EIF4A1: variants seen among roughly 807,000 people sequenced by gnomAD.
EIF4A1 encodes eukaryotic translation initiation factor 4A1.
Under a neutral mutation model 53.5 loss-of-function variants are expected in EIF4A1, and 11 were observed. That is an observed-to-expected ratio of 0.21 (90% CI 0.13 to 0.34). The LOEUF (loss-of-function observed/expected upper bound fraction) is 0.34, where lower values mean the gene tolerates loss of function less well. Ranked by LOEUF, EIF4A1 falls within the 10% of genes least tolerant of loss-of-function variation. EIF4A1 has a pLI of 1.00. For missense variants in EIF4A1, 213 were observed against 530.8 expected, an observed-to-expected ratio of 0.40 and a Z score of 5.88; for synonymous variants, 237 against 186.7, an observed-to-expected ratio of 1.27 and a Z score of -2.20.
Position 7,577,270 on chromosome 17 carries a change from T to G in EIF4A1, c.625-74T>G. 1 of 1,587,340 alleles carries G rather than the reference T, an allele frequency of 6.3e-7. No individual in the cohort carries two copies. Among genetic ancestry groups the G allele is most frequent in the East Asian group, 2.2e-5 (1 of 44,654 alleles). ...GCCTTTTTATGCATCTGCTTCAGTT[T>G]TAGGTGTGGCTAGGGAAGGGAGCAG... On this transcript the variant is annotated intron_variant, in intron 6 of 10. Coordinates refer to ENST00000293831, the MANE Select transcript of EIF4A1 (RefSeq NM_001416.4). This position sits in a 1 kb window ranked among gnomAD's most constrained non-coding sequence, Gnocchi z 4.7.
intron 1 of EIF4A1, chr17:7,573,871 A>C: frequency 1.6e-5 from 3 of 183,220 alleles, no homozygotes; most frequent in South Asian, 1.1e-4. Flanking sequence ...CCGATCTGGG[A>C]GGTGAAGGGC....
At position 7,574,942 on chromosome 17, in the gene EIF4A1, T is replaced by C. The variant is rs1053106910; in HGVS notation, c.206-177T>C. 5 of 1,042,808 alleles carry C rather than the reference T, an allele frequency of 4.8e-6. No homozygotes were observed. In the African/African-American group the frequency reaches 7.8e-5, roughly 16 times the overall value. The allele number at this position is 1,042,808 out of a possible 1,614,324, so 64.6% of individuals were successfully genotyped here. On this transcript the variant is annotated intron_variant, in intron 3 of 10. Coordinates refer to ENST00000293831, the MANE Select transcript of EIF4A1 (RefSeq NM_001416.4). ...TGGTGTGCAATACTAGATGAGTTAA[T>C]AACTGGTCCTTGTTTCTGATCTGGT...
At chr17:7,573,201 T>G in intron 1 of EIF4A1, 2 of 492,578 alleles carry the variant, frequency 4.1e-6, no homozygotes, top group Non-Finnish European at 3.7e-6. Context: ...CGCCACTATG[T>G]GTGGCCCAGA....
intron 1 of EIF4A1, 66 bp downstream of exon 1, chr17:7,572,930 GGGGGTAGCTGAGAGGCCCACCA>G: frequency 6.2e-7 from 1 of 1,613,848 alleles, no homozygotes; most frequent in Non-Finnish European, 8.5e-7. Flanking sequence ...CGGGCCCGCC[GGGGGTAGCTGAGAGGCCCACCA>G]GGGTTGCGGG....
At position 7,574,692 on chromosome 17, in the gene EIF4A1, G is replaced by C; in HGVS notation, c.205+14G>C. On this transcript the variant is annotated intron_variant, in intron 3 of 10. Transcript: ENST00000293831. The stretch of plus-strand genomic sequence containing the variant: ...CTTGTATCAAGGGTGAGACCTCTCA[G>C]TCCCAGAAGACATTGTGGACTGTCC... The C allele has an allele frequency of 6.2e-7, 1 of 1,612,262 alleles. No individual in the cohort carries two copies. Among genetic ancestry groups the C allele is most frequent in the South Asian group, 1.1e-5 (1 of 91,004 alleles).
At chr17:7,575,285 C>A (rs751149806) in intron 4 of EIF4A1, 27 bp downstream of exon 4, 1 of 1,613,212 alleles carries the variant, frequency 6.2e-7, no homozygotes, top group East Asian at 2.2e-5. Context: ...TTCCCTCCTT[C>A]AGGGCTGATT....
Position 7,577,466 on chromosome 17 carries a change from C to T in EIF4A1, c.747C>T (p.Phe249=), listed in dbSNP as rs921284645. The change falls in exon 7 of 11, where the codon TTC becomes TTT. Residue 249 remains phenylalanine (F), a synonymous_variant. Coordinates refer to ENST00000293831, the MANE Select transcript of EIF4A1 (RefSeq NM_001416.4). This position sits in a 1 kb window ranked among gnomAD's most constrained non-coding sequence, Gnocchi z 4.7. ...TGACCCTGGAGGGTATCCGCCAGTT[C>T]TACATCAACGTGGAACGAGAGGTGG... ...EELTLEGIRQ[F]YINVEREEWK... 7 of 1,614,022 alleles carry T rather than the reference C, an allele frequency of 4.3e-6. No individual in the cohort carries two copies. Among genetic ancestry groups the T allele is most frequent in the African/African-American group, 2.7e-5 (2 of 74,900 alleles).
chr17:7,577,715 G>T lies in EIF4A1; in HGVS notation c.906+9G>T. The T allele has an allele frequency of 1.2e-6, 2 of 1,613,606 alleles. No individual in the cohort carries two copies. The highest frequency in any genetic ancestry group is 8.5e-7 in the Non-Finnish European group (1 of 1,179,970). ...TCACTGTATCCGCCATGGTGTGTTT[G>T]CCCGCTGCCAGCCTGTTGTGGGTCT... On this transcript the variant is annotated intron_variant, in intron 8 of 10. Coordinates refer to ENST00000293831, the MANE Select transcript of EIF4A1 (RefSeq NM_001416.4). This position sits in a 1 kb window ranked among gnomAD's most constrained non-coding sequence, Gnocchi z 4.7.
Position 7,572,845 on chromosome 17 carries a change from T to G in EIF4A1, c.4T>G (p.Ser2Ala). Residue 2 changes from serine to alanine, a missense_variant, in exon 1 of 11, where the codon TCT (serine) becomes GCT (alanine). Ser to Ala is a moderately conservative substitution (Grantham distance 99). Around this residue, in one of 4 missense-constraint regions of EIF4A1, gnomAD observed 53 missense variants for 34.0 expected, o/e 1.56. Transcript: ENST00000293831. M[S>A]ASQDSRSRDN... ...TCCGCCCTAGTTTCTAAGGATCATG[T>G]CTGCGAGCCAGGATTCCCGGTAAGA... 6.2e-7 allele frequency: 1 copy of G among 1,614,160 alleles called. No homozygotes were observed. The highest frequency in any genetic ancestry group is 1.3e-5 in the African/African-American group (1 of 75,070).
chr17:7,574,244 T>A lies in EIF4A1; in HGVS notation c.24-16T>A, dbSNP rs182916229. The A allele has an allele frequency of 1.2e-6, 2 of 1,613,968 alleles. No individual in the cohort carries two copies. Among genetic ancestry groups the A allele is most frequent in the African/African-American group, 2.7e-5 (2 of 74,918 alleles). Reference sequence around the variant, plus strand: ...TCGGTCGGGCAGGGGACAAAACTTATGCTTTAAACCAACAGATCCAGAGAC... The same window carrying A: ...TCGGTCGGGCAGGGGACAAAACTTAAGCTTTAAACCAACAGATCCAGAGAC... On this transcript the variant is annotated splice_polypyrimidine_tract_variant and intron_variant, in intron 1 of 10. Coordinates refer to ENST00000293831, the MANE Select transcript of EIF4A1 (RefSeq NM_001416.4).
At chr17:7,576,904 C>T in intron 5 of EIF4A1, 152 bp from the exon 6 acceptor site, 2 of 1,330,706 alleles carry the variant, frequency 1.5e-6, no homozygotes, top group Middle Eastern at 3.6e-4. Flanking sequence ...CTGTTGTCTG[C>T]CTGGCGGGAA....
At chr17:7,576,486 G>A (rs1344534976) in intron 4 of EIF4A1, 38 bp from the exon 5 acceptor site, 2 of 1,523,392 alleles carry the variant, frequency 1.3e-6, no homozygotes, top group African/African-American at 1.4e-5. Flanking sequence ...CGGGCACAGT[G>A]GTAACTGACA....
In EIF4A1 at chr17:7,578,022, TC is replaced by T. The variant is rs760860405; in HGVS notation, c.996+107del. On this transcript the variant is annotated intron_variant, in intron 9 of 10. Transcript: ENST00000293831. Reference sequence around the variant, plus strand: ...AGGAAAGTAGCAGCTTGGAATAGAATCTGGCATGCCTAAGGCCTTTGGGGAA... The same window carrying T: ...AGGAAAGTAGCAGCTTGGAATAGAATTGGCATGCCTAAGGCCTTTGGGGAA... 7 of 1,573,494 alleles carry T rather than the reference TC, an allele frequency of 4.4e-6. No individual in the cohort carries two copies. The Admixed American group carries it at 1.2e-4, about 26-fold the overall frequency.
chr17:7,572,855 A>G lies in EIF4A1; in HGVS notation c.14A>G (p.Gln5Arg), dbSNP rs149681191. The G allele has an allele frequency of 2.6e-5, 42 of 1,614,048 alleles. 1 individual carries two copies. The highest frequency in any genetic ancestry group is 2.0e-4 in the East Asian group (9 of 44,896). Residue 5 changes from glutamine (Q) to arginine (R), a missense_variant, in exon 1 of 11, where the codon CAG becomes CGG. Physicochemically the swap from Gln to Arg is conservative, Grantham distance 43 (BLOSUM62 1). This residue lies in a region of EIF4A1 where 53 missense variants were observed against 34.0 expected (regional missense o/e 1.56). Coordinates refer to ENST00000293831, the MANE Select transcript of EIF4A1 (RefSeq NM_001416.4). MSASQDSRSRDNGPD... is the reference protein window; with the variant it reads MSASRDSRSRDNGPD... ...TTTCTAAGGATCATGTCTGCGAGCC[A>G]GGATTCCCGGTAAGAAAGGCATTTG...
rs1567735382 is a variant in EIF4A1 at position 7,577,678 on chromosome 17, A to G, written c.878A>G (p.His293Arg). The change falls in exon 8 of 11, where the codon CAT becomes CGT. Residue 293 changes from histidine (H) to arginine (R), a missense_variant. Around this residue, in one of 4 missense-constraint regions of EIF4A1, gnomAD observed 119 missense variants for 351.0 expected, o/e 0.34. Coordinates refer to ENST00000293831, the MANE Select transcript of EIF4A1 (RefSeq NM_001416.4). The surrounding 1 kb of genome is among the most constrained non-coding windows in gnomAD (Gnocchi z 4.7). The stretch of plus-strand genomic sequence containing the variant: ...GTGGACTGGCTCACCGAGAAGATGC[A>G]TGCTCGAGATTTCACTGTATCCGCC... ...RKVDWLTEKM[H>R]ARDFTVSAMH... 1 of 1,612,860 alleles carries G rather than the reference A, an allele frequency of 6.2e-7. No individual in the cohort carries two copies. The highest frequency in any genetic ancestry group is 8.5e-7 in the Non-Finnish European group (1 of 1,179,922).
Position 7,577,246 on chromosome 17 carries a change from C to A in EIF4A1, c.624+81C>A. On this transcript the variant is annotated intron_variant, in intron 6 of 10. Transcript: ENST00000293831. The surrounding 1 kb of genome is among the most constrained non-coding windows in gnomAD (Gnocchi z 4.7). The stretch of plus-strand genomic sequence containing the variant: ...GGGAACCATATACTGGATTCTTGAG[C>A]CTTTTTATGCATCTGCTTCAGTTTT... 3 of 1,568,518 alleles carry A rather than the reference C, an allele frequency of 1.9e-6. No homozygotes were observed. In the East Asian group the frequency reaches 6.7e-5, roughly 35 times the overall value.
In EIF4A1 at chr17:7,576,553, C is replaced by T; in HGVS notation, c.375C>T (p.Asp125=). The part of the protein sequence containing the change: ...QIQKVVMALG[D]YMGASCHACI... ...AGAAGGTGGTCATGGCACTAGGAGA[C>T]TACATGGGCGCCTCCTGTCACGCCT... Residue 125 remains aspartate (D), a synonymous_variant, in exon 5 of 11, where the codon GAC becomes GAT. Coordinates refer to ENST00000293831, the MANE Select transcript of EIF4A1 (RefSeq NM_001416.4). 3 of 1,608,606 alleles carry T rather than the reference C, an allele frequency of 1.9e-6. No homozygotes were observed. The highest frequency in any genetic ancestry group is 1.7e-4 in the Middle Eastern group (1 of 6,042).
intron 1 of EIF4A1, 23 bp downstream of exon 1, chr17:7,572,887 A>T (rs1434700610): frequency 6.2e-7 from 1 of 1,614,052 alleles, no homozygotes; most frequent in South Asian, 1.1e-5. Flanking sequence ...TTTGCAAGAG[A>T]TTGTGGCTGC....
rs569481197 is a variant in EIF4A1 at position 7,576,604 on chromosome 17, T to C, written c.426T>C (p.Ala142=). 1 of 1,614,100 alleles carries C rather than the reference T, an allele frequency of 6.2e-7. No homozygotes were observed. The highest frequency in any genetic ancestry group is 1.3e-5 in the African/African-American group (1 of 75,052). Residue 142 remains alanine, a synonymous_variant, in exon 5 of 11, where the codon GCT becomes GCC. Coordinates refer to ENST00000293831, the MANE Select transcript of EIF4A1 (RefSeq NM_001416.4). ...HACIGGTNVR[A]EVQKLQMEAP... is the part of the protein sequence containing the mutation. Reference sequence around the variant, plus strand: ...GTATCGGGGGCACCAACGTGCGTGCTGAGGTGCAGAAACTGCAGATGGAAG... The same window carrying C: ...GTATCGGGGGCACCAACGTGCGTGCCGAGGTGCAGAAACTGCAGATGGAAG...
Sources: gnomAD v4.1 joint callset for allele counts on GRCh38, gnomAD v4.1.1 for gene constraint, gnomAD v4.1.1 regional missense constraint, Gnocchi (gnomAD v3.1) non-coding constraint, MANE v1.5 for transcripts, NCBI Gene and HGNC (gene_info 2026-07-23, HGNC 2026-07-21) for gene names.